Variants in SOX5 observed in about 807,000 individuals in gnomAD.
SOX5 encodes the protein SRY-box transcription factor 5, also known as transcription factor SOX-5.
In SOX5, 9 loss-of-function variants were observed where a neutral mutation model predicts 92.0. The observed-to-expected ratio is 0.10, with a 90% CI of 0.06 to 0.17. The LOEUF (loss-of-function observed/expected upper bound fraction) is 0.17, where lower values mean the gene tolerates loss of function less well. Ranked by LOEUF, SOX5 falls within the 10% of genes least tolerant of loss-of-function variation. The pLI, the probability that SOX5 is intolerant of heterozygous loss-of-function variation, is 1.00. For synonymous variants in SOX5, 344 were observed against 336.3 expected, an observed-to-expected ratio of 1.02 and a Z score of -0.25; for missense variants, 642 against 944.5, an observed-to-expected ratio of 0.68 and a Z score of 4.20.
rs1264021401 is a variant in SOX5 at position 24,529,643 on chromosome 12, A to G, written c.-251+32686T>C. 5.3e-5 allele frequency among the ~76,000 whole-genome samples: 8 copies of G among 152,236 alleles called. No homozygotes were observed. The East Asian group carries it at 1.5e-3, about 29-fold the overall frequency. On this transcript the variant is annotated intron_variant, in intron 1 of 4. Coordinates refer to the SOX5 transcript ENST00000446891. Reference sequence around the variant, plus strand: ...GAATCTTACTGCAAGCTGTAGAAGAACCAAAATGAACAAAATGCAAAAGCA... The same window carrying G: ...GAATCTTACTGCAAGCTGTAGAAGAGCCAAAATGAACAAAATGCAAAAGCA...
intron 6 of SOX5, among the ~76,000 whole-genome samples, chr12:23,674,222 G>A (rs1323899297): frequency 2.0e-5 from 3 of 150,968 alleles, no homozygotes; most frequent in African/African-American, 7.3e-5. Context: ...ATTATTCTGA[G>A]CAAAGTATAA....
At chr12:24,425,060 G>A (rs1966551552) in intron 1 of SOX5, among the ~76,000 whole-genome samples, 1 of 152,090 alleles carries the variant, frequency 6.6e-6, no homozygotes, top group Non-Finnish European at 1.5e-5. Context: ...AGAGACTACA[G>A]AGCCATACAT....
rs1324472954 is a variant in SOX5 at position 23,841,555 on chromosome 12, T to C, written c.481+4428A>G. The stretch of plus-strand genomic sequence containing the variant: ...AGCTGGAAGCAACCAATATGTGCTT[T>C]GATAGGCAAAAAGAATTGATAAAAT... On this transcript the variant is annotated intron_variant, in intron 3 of 14. Transcript: ENST00000451604. Among the ~76,000 whole-genome samples the C allele has an allele frequency of 2.0e-5, 3 of 152,132 alleles. No individual in the cohort carries two copies. In the East Asian group the frequency reaches 5.8e-4, roughly 29 times the overall value.
intron 7 of SOX5, among the ~76,000 whole-genome samples, chr12:23,654,511 T>C (rs554629736): frequency 8.0e-4 from 122 of 152,246 alleles, no homozygotes; most frequent in Admixed American, 1.4e-3. Context: ...TCACTGTGAT[T>C]GTTTCATATC....
At chr12:23,999,429 A>C (rs961966258) in intron 4 of SOX5, among the ~76,000 whole-genome samples, 2 of 152,080 alleles carry the variant, frequency 1.3e-5, no homozygotes, top group Non-Finnish European at 2.9e-5. Context: ...ATATACTTAA[A>C]TTTTCCTAAG....
At chr12:23,948,973 C>T (rs758494924) in intron 1 of SOX5, among the ~76,000 whole-genome samples, 42 of 152,068 alleles carry the variant, frequency 2.8e-4, no homozygotes, top group Non-Finnish European at 4.1e-4. Flanking sequence ...CCTTTTCGCC[C>T]CTATTTTTGA....
chr12:23,630,026 T>C (rs749621991), intron 8 of SOX5, among the ~76,000 whole-genome samples: 69 of 152,090 alleles, frequency 4.5e-4, no homozygotes, highest in South Asian at 1.7e-3. Context: ...TGTATCCTAG[T>C]GTATCAAGGA....
chr12:24,297,697 T>C (rs186538976), intron 2 of SOX5, among the ~76,000 whole-genome samples: 2 of 152,298 alleles, frequency 1.3e-5, no homozygotes, highest in South Asian at 2.1e-4. Context: ...TACTGCACTA[T>C]GGAAACGCAG....
At chr12:24,117,927 G>A (rs898478459) in intron 4 of SOX5, among the ~76,000 whole-genome samples, 2 of 150,186 alleles carry the variant, frequency 1.3e-5, no homozygotes, top group African/African-American at 4.9e-5. Flanking sequence ...ACCAAGGCAG[G>A]AGAATTGCTT....
chr12:24,489,733 A>C (rs887302667), intron 1 of SOX5, among the ~76,000 whole-genome samples: 2 of 152,122 alleles, frequency 1.3e-5, no homozygotes, highest in Non-Finnish European at 2.9e-5. Flanking sequence ...TTCAGGTGGC[A>C]AGTTGGCCAT....
intron 4 of SOX5, among the ~76,000 whole-genome samples, chr12:24,148,717 G>GAAGAAAGA (rs368346773): frequency 2.6e-5 from 1 of 38,294 alleles, no homozygotes; most frequent in African/African-American, 1.1e-4. Context: ...AAAAAAAAAA[G>GAAGAAAGA]AAGAAAGAAA....
intron 4 of SOX5, among the ~76,000 whole-genome samples, chr12:23,753,169 A>G (rs2094235123): frequency 1.3e-5 from 2 of 151,766 alleles, no homozygotes; most frequent in South Asian, 2.1e-4. Context: ...ATCATTTTTT[A>G]CTTTTTGAAT....
At chr12:24,213,563 A>G (rs1212965613) in intron 3 of SOX5, 2 of 150,668 alleles carry the variant, frequency 1.3e-5, no homozygotes, top group African/African-American at 2.4e-5. Flanking sequence ...TTCTATTGCA[A>G]AATGTTGGAA....
At chr12:24,337,676 T>C (rs914708852) in intron 2 of SOX5, among the ~76,000 whole-genome samples, 1 of 152,154 alleles carries the variant, frequency 6.6e-6, no homozygotes, top group African/African-American at 2.4e-5. Context: ...TTAAGTTCGG[T>C]AGACATGTAT....
At position 24,081,025 on chromosome 12, in the gene SOX5, T is replaced by G. The variant is rs535454189; in HGVS notation, c.-2+132318A>C. 4.6e-5 allele frequency among the ~76,000 whole-genome samples: 7 copies of G among 152,148 alleles called. No homozygotes were observed. The South Asian group carries it at 1.4e-3, about 32-fold the overall frequency. On this transcript the variant is annotated intron_variant, in intron 4 of 4. Coordinates refer to the SOX5 transcript ENST00000446891. Reference sequence around the variant, plus strand: ...TAATTATTAGCAGTAATACGCTTATTAACTTGTGAATTTAATACATATGGC... The same window carrying G: ...TAATTATTAGCAGTAATACGCTTATGAACTTGTGAATTTAATACATATGGC...
At chr12:23,599,098 C>CA (rs1952992210) in intron 9 of SOX5, among the ~76,000 whole-genome samples, 2 of 151,928 alleles carry the variant, frequency 1.3e-5, no homozygotes, top group Admixed American at 6.6e-5. Flanking sequence ...ACCATTTCAG[C>CA]AAAAAAATAG....
intron 1 of SOX5, among the ~76,000 whole-genome samples, chr12:24,402,579 G>C (rs879791925): frequency 5.9e-5 from 9 of 152,144 alleles, no homozygotes; most frequent in Non-Finnish European, 1.2e-4. Context: ...AGGTTCTAAA[G>C]CTTATACAAT....
intron 1 of SOX5, among the ~76,000 whole-genome samples, chr12:23,943,880 G>T (rs1311048888): frequency 6.6e-6 from 1 of 151,870 alleles, no homozygotes; most frequent in African/African-American, 2.4e-5. Context: ...TTTCAAGCTG[G>T]GTGACAAAAG....
At chr12:23,879,305 G>A (rs956973492) in intron 2 of SOX5, among the ~76,000 whole-genome samples, 5 of 149,660 alleles carry the variant, frequency 3.3e-5, no homozygotes, top group Admixed American at 2.7e-4. Flanking sequence ...TTAATTAAAA[G>A]AGTTGCTAAT....
Sources: gnomAD v4.1 joint callset for allele counts (sites outside exome capture counted in the v4.1 genomes callset) on GRCh38, gnomAD v4.1.1 for gene constraint, MANE v1.5 for transcripts, NCBI Gene and HGNC (gene_info 2026-07-23, HGNC 2026-07-21) for gene names.